The following CBX7 variants were observed in gnomAD, a reference collection of about 807,000 sequenced individuals.
The protein encoded by CBX7 is chromobox 7.
In CBX7, 14 loss-of-function variants were observed where a neutral mutation model predicts 31.4. The observed-to-expected ratio is 0.45, with a 90% CI of 0.29 to 0.70. The LOEUF (loss-of-function observed/expected upper bound fraction) is 0.70, where lower values mean the gene tolerates loss of function less well. Among genes scored for constraint, CBX7 ranks in the 30% least tolerant of loss-of-function variants. The probability of loss-of-function intolerance (pLI) is 0.11; values close to 1 mark genes in which losing one functional copy is unlikely to be tolerated. For synonymous variants in CBX7, 159 were observed against 152.6 expected (o/e 1.04, Z -0.31); for missense variants, 269 against 351.9 (o/e 0.76, Z 1.89).
In CBX7 at chr22:39,132,987, G is replaced by A. The variant is rs1448006459; in HGVS notation, c.*904C>T. 1 of 152,356 alleles carries A rather than the reference G, an allele frequency of 6.6e-6. No homozygotes were observed. Among genetic ancestry groups the A allele is most frequent in the Non-Finnish European group, 1.5e-5 (1 of 68,158 alleles). 9.4% of individuals were successfully genotyped at this position (152,356 alleles called of 1,614,324 possible). ...AACCACATCTGTATGCCTGGAGCAT[G>A]GGGTGCCATCGCACCTGTGCCAGAC... is the stretch of plus-strand genomic sequence containing the variant. On this transcript the variant is annotated 3_prime_UTR_variant, in exon 6 of 6. Coordinates refer to ENST00000216133, the MANE Select transcript of CBX7 (RefSeq NM_175709.5).
intron 2 of CBX7, among the ~76,000 whole-genome samples, chr22:39,145,914 G>T (rs1173095464): frequency 6.6e-6 from 1 of 151,714 alleles, no homozygotes; most frequent in Admixed American, 6.6e-5. Flanking sequence ...CAGGACCCCC[G>T]CCGGCCTTTC....
chr22:39,149,565 T>C, intron 2 of CBX7: 1 of 571,526 alleles, frequency 1.7e-6, no homozygotes, highest in South Asian at 2.2e-5. Context: ...AGCTCAACAC[T>C]CAGGAGGGCA....
rs1412742570 is a variant in CBX7, at chr22:39,131,149, T to G, written c.*2742A>C. The G allele has an allele frequency of 1.3e-5, 2 of 152,532 alleles. No individual in the cohort carries two copies. The highest frequency in any genetic ancestry group is 3.9e-4 in the East Asian group (2 of 5,194). 9.4% of individuals were successfully genotyped at this position (152,532 alleles called of 1,614,324 possible). On this transcript the variant is annotated 3_prime_UTR_variant, in exon 6 of 6. Transcript: ENST00000216133. ...CCAGAACAAGGGGACAGGAGGAGCT[T>G]GGCAACGAGGTCATCACCCGAACAG...
chr22:39,150,130 T>A (rs1398252945), intron 1 of CBX7, among the ~76,000 whole-genome samples: 2 of 152,216 alleles, frequency 1.3e-5, no homozygotes, highest in African/African-American at 4.8e-5. Context: ...CACTGGGAGC[T>A]GAGACTGCAT....
Position 39,134,580 on chromosome 22 carries a change from C to A in CBX7, c.419G>T (p.Arg140Leu). 2 of 1,598,114 alleles carry A rather than the reference C, an allele frequency of 1.3e-6. No individual in the cohort carries two copies. Among genetic ancestry groups the A allele is most frequent in the South Asian group, 1.1e-5 (1 of 89,014 alleles). ...GTACTTGTGGGCCTTTCGGGGCTTGCGGAGCGGGAAGGGCAGGGTGGGCAC... is the reference window on the plus strand; with the variant it reads ...GTACTTGTGGGCCTTTCGGGGCTTGAGGAGCGGGAAGGGCAGGGTGGGCAC... ...PLVPTLPFPL[R>L]KPRKAHKYLR... is the part of the protein sequence containing the mutation. The change falls in exon 5 of 6, where the codon CGC (arginine) becomes CTC (leucine). Residue 140 changes from arginine (R) to leucine (L), a missense_variant. Arg to Leu is a moderately radical substitution (Grantham distance 102, BLOSUM62 -2). Coordinates refer to ENST00000216133, the MANE Select transcript of CBX7 (RefSeq NM_175709.5).
intron 2 of CBX7, among the ~76,000 whole-genome samples, chr22:39,145,879 G>A (rs183873864): frequency 6.6e-6 from 1 of 151,934 alleles, no homozygotes; most frequent in Non-Finnish European, 1.5e-5. Context: ...GTGAGGGCAC[G>A]CAGTGGGAAG....
In CBX7 at chr22:39,132,744, C is replaced by G. The variant is rs547735359; in HGVS notation, c.*1147G>C. 6.5e-6 allele frequency: 1 copy of G among 152,760 alleles called. No homozygotes were observed. Among genetic ancestry groups the G allele is most frequent in the East Asian group, 1.9e-4 (1 of 5,170 alleles). 9.5% of individuals were successfully genotyped at this position (152,760 alleles called of 1,614,324 possible). On this transcript the variant is annotated 3_prime_UTR_variant, in exon 6 of 6. Transcript: ENST00000216133. ...TGCCCTGAGAACGTGGTGGGACACT[C>G]CCTCCCTCCCTGACTGCCCACACCT... is the stretch of plus-strand genomic sequence containing the variant.
chr22:39,131,504 T>G lies in CBX7; in HGVS notation c.*2387A>C, dbSNP rs1467805209. ...GGATGGTCCTAACGGCCCACAGCCT[T>G]TTCCCCCAGGGAGCTGGCTCACTAC... On this transcript the variant is annotated 3_prime_UTR_variant, in exon 6 of 6. Transcript: ENST00000216133. 4 of 152,604 alleles carry G rather than the reference T, an allele frequency of 2.6e-5. No individual in the cohort carries two copies. The South Asian group carries it at 8.3e-4, about 32-fold the overall frequency. The allele number at this position is 152,604 out of a possible 1,614,324, so 9.5% of individuals were successfully genotyped here.
In CBX7 at chr22:39,134,470, G is replaced by A. The variant is rs199636114; in HGVS notation, c.529C>T (p.Pro177Ser). ...SHRRELFLQE[P>S]PAPDVLQAAG... ...GCCTGCAGGACGTCTGGGGCCGGTG[G>A]CTCCTGCAGGAAGAGCTCCCGTCGA... Residue 177 changes from proline (P) to serine (S), a missense_variant, in exon 5 of 6, where the codon CCA becomes TCA. Pro to Ser is a moderately conservative substitution (Grantham distance 74, BLOSUM62 -1). Transcript: ENST00000216133. 6.2e-7 allele frequency: 1 copy of A among 1,608,982 alleles called. No homozygotes were observed. The highest frequency in any genetic ancestry group is 2.2e-5 in the East Asian group (1 of 44,876).
intron 4 of CBX7, among the ~76,000 whole-genome samples, chr22:39,136,975 C>T (rs189009618): frequency 5.9e-5 from 9 of 152,326 alleles, no homozygotes; most frequent in Admixed American, 2.6e-4. Context: ...TGGCCAAGGA[C>T]GCTTGACATG....
At position 39,140,818 on chromosome 22, in the gene CBX7, C is replaced by T. The variant is rs1930427859; in HGVS notation, c.179+553G>A. 1.3e-5 allele frequency among the ~76,000 whole-genome samples: 2 copies of T among 152,164 alleles called. 1 individual carries two copies. The highest frequency in any genetic ancestry group is 4.1e-4 in the South Asian group (2 of 4,822). On this transcript the variant is annotated intron_variant, in intron 3 of 5. Transcript: ENST00000216133. ...CCCTGGCAGAGGTGGGAGACTGTGC[C>T]TGGGCCACTTGGACAGGAGGTGGCA... is the stretch of plus-strand genomic sequence containing the variant.
intron 2 of CBX7, chr22:39,148,408 A>G (rs1930735432): frequency 6.6e-6 from 1 of 152,272 alleles, no homozygotes; most frequent in Non-Finnish European, 1.5e-5. Flanking sequence ...AAAATAGCCA[A>G]TAGTGTCCTG....
Position 39,133,906 on chromosome 22 carries a change from G to T in CBX7, c.741C>A (p.Arg247=), listed in dbSNP as rs543200936. The change falls in exon 6 of 6, where the codon CGC becomes CGA. Residue 247 remains arginine, a synonymous_variant. Coordinates refer to ENST00000216133, the MANE Select transcript of CBX7 (RefSeq NM_175709.5). The stretch of plus-strand genomic sequence containing the variant: ...AAACGGTGATTCAGAACTTCCCACT[G>T]CGGTCTCGGAAGAAGCCCTCAGCTG... ...AQAAEGFFRD[R]SGKF is the part of the protein sequence containing the mutation. The T allele has an allele frequency of 6.2e-7, 1 of 1,611,068 alleles. No individual in the cohort carries two copies. Among genetic ancestry groups the T allele is most frequent in the East Asian group, 2.2e-5 (1 of 44,694 alleles).
rs1472469403 is a variant in CBX7, at chr22:39,132,500, C to G, written c.*1391G>C. 1 of 152,456 alleles carries G rather than the reference C, an allele frequency of 6.6e-6. No individual in the cohort carries two copies. The highest frequency in any genetic ancestry group is 1.9e-4 in the East Asian group (1 of 5,188). The allele number at this position is 152,456 out of a possible 1,614,324, so 9.4% of individuals were successfully genotyped here. ...AAGTCACTCCTCACTGGCAGGGAAG[C>G]CACGGGCCCCCAGGACACCTTGTAC... On this transcript the variant is annotated 3_prime_UTR_variant, in exon 6 of 6. Transcript: ENST00000216133.
intron 2 of CBX7, chr22:39,149,556 G>C: frequency 1.8e-6 from 1 of 569,568 alleles, no homozygotes; most frequent in Non-Finnish European, 3.1e-6. Flanking sequence ...TAGCAGAGGA[G>C]CTCAACACTC....
At chr22:39,142,609 C>T (rs1357379924) in intron 2 of CBX7, among the ~76,000 whole-genome samples, 1 of 152,254 alleles carries the variant, frequency 6.6e-6, no homozygotes, top group Admixed American at 6.5e-5. Context: ...CACCCTCGTT[C>T]CACTAGCACT....
At chr22:39,151,635 CG>C (rs1930856670) in intron 1 of CBX7, among the ~76,000 whole-genome samples, 1 of 152,228 alleles carries the variant, frequency 6.6e-6, no homozygotes, top group South Asian at 2.1e-4. Flanking sequence ...CAGCCTTAGG[CG>C]AGCCCCCTCG....
intron 2 of CBX7, among the ~76,000 whole-genome samples, chr22:39,145,260 C>A (rs559537427): frequency 5.6e-4 from 85 of 152,218 alleles, no homozygotes; most frequent in African/African-American, 2.0e-3. Flanking sequence ...TGGACCCAGC[C>A]GGTAAGGAGG....
At position 39,152,373 on chromosome 22, in the gene CBX7, C is replaced by T. The variant is rs1476828359; in HGVS notation, c.69+3G>A. On this transcript the variant is annotated splice_donor_region_variant and intron_variant, in intron 1 of 5. Transcript: ENST00000216133. This position sits in a 1 kb window ranked among gnomAD's most constrained non-coding sequence, Gnocchi z 4.9. ...CCTGGGAGCCGCCCCCGGGCAGCCT[C>T]ACCTTCCGCACGCGCTTCTTCCGGA... is the stretch of plus-strand genomic sequence containing the variant. 3 of 1,396,576 alleles carry T rather than the reference C, an allele frequency of 2.1e-6. No homozygotes were observed. The highest frequency in any genetic ancestry group is 1.5e-5 in the South Asian group (1 of 65,116). The allele number at this position is 1,396,576 out of a possible 1,614,324, so 86.5% of individuals were successfully genotyped here. A position where few individuals can be genotyped will look rare whatever the true frequency, so the allele number is the denominator to read the frequency against.
Sources: allele counts gnomAD v4.1 joint callset (sites outside exome capture counted in the v4.1 genomes callset), GRCh38; gene constraint gnomAD v4.1.1; non-coding constraint Gnocchi (gnomAD v3.1); transcripts MANE v1.5; gene names NCBI Gene and HGNC (gene_info 2026-07-23, HGNC 2026-07-21).